The following THRB variants were observed in gnomAD, a reference collection of about 807,000 sequenced individuals.
THRB encodes the protein thyroid hormone receptor beta, also known as nuclear receptor subfamily 1 group A member 2.
In THRB, 12 loss-of-function variants were observed where a neutral mutation model predicts 47.8. That is an observed-to-expected ratio of 0.25 (90% CI 0.16 to 0.41). The LOEUF (loss-of-function observed/expected upper bound fraction) is 0.41, where lower values mean the gene tolerates loss of function less well. Among genes scored for constraint, THRB ranks in the 10% least tolerant of loss-of-function variants. THRB has a pLI of 1.00. For missense variants in THRB, 348 were observed against 589.2 expected (o/e 0.59, Z 4.24); for synonymous variants, 218 against 212.2 (o/e 1.03, Z -0.24).
intron 2 of THRB, among the ~76,000 whole-genome samples, chr3:24,323,399 G>T (rs1423097473): frequency 6.6e-6 from 1 of 152,166 alleles, no homozygotes; most frequent in East Asian, 1.9e-4. Flanking sequence ...ATCTAGCTAT[G>T]TGGAGTGCAA....
chr3:24,172,724 C>T (rs1206332730), intron 5 of THRB, among the ~76,000 whole-genome samples: 3 of 152,124 alleles, frequency 2.0e-5, no homozygotes, highest in Non-Finnish European at 2.9e-5. Flanking sequence ...GTCTCAGGGA[C>T]CAAGCTGATG....
chr3:24,354,882 GATAA>G (rs1560005424), intron 1 of THRB, among the ~76,000 whole-genome samples: 1 of 152,068 alleles, frequency 6.6e-6, no homozygotes, highest in Non-Finnish European at 1.5e-5. Context: ...CATTGATACA[GATAA>G]ATAAACACAT....
intron 3 of THRB, among the ~76,000 whole-genome samples, chr3:24,260,936 G>C (rs1234875635): frequency 6.6e-6 from 1 of 152,118 alleles, no homozygotes; most frequent in Non-Finnish European, 1.5e-5. Flanking sequence ...CAGGTTGCTG[G>C]CCCCAACCCC....
At chr3:24,418,391 C>T (rs1387081596) in intron 1 of THRB, among the ~76,000 whole-genome samples, 2 of 151,694 alleles carry the variant, frequency 1.3e-5, no homozygotes, top group Admixed American at 6.6e-5. Context: ...TGTAGACCTC[C>T]ACCCCCACTT....
At chr3:24,439,317 G>A (rs2071295237) in intron 1 of THRB, among the ~76,000 whole-genome samples, 1 of 152,118 alleles carries the variant, frequency 6.6e-6, no homozygotes, top group African/African-American at 2.4e-5. Flanking sequence ...GGGCCTGGGT[G>A]GGGCACTAAC....
At chr3:24,247,312 A>G (rs1393724917) in intron 3 of THRB, among the ~76,000 whole-genome samples, 2 of 152,234 alleles carry the variant, frequency 1.3e-5, no homozygotes, top group Non-Finnish European at 2.9e-5. Context: ...AGCAGCTAAC[A>G]TTTGTTGAGT....
chr3:24,378,068 T>C (rs9809150), intron 1 of THRB, among the ~76,000 whole-genome samples: 109,206 of 152,008 alleles, frequency 0.72, 39,765 homozygotes, highest in African/African-American at 0.83. Flanking sequence ...TAGACCAATT[T>C]TATCCTCCAG....
chr3:24,353,996 T>C (rs966838112), intron 1 of THRB, among the ~76,000 whole-genome samples: 1 of 152,176 alleles, frequency 6.6e-6, no homozygotes, highest in African/African-American at 2.4e-5. Flanking sequence ...AAAGGTTGCA[T>C]AGTATTCCAT....
intron 1 of THRB, among the ~76,000 whole-genome samples, chr3:24,357,931 T>G (rs1209953586): frequency 6.6e-6 from 1 of 152,144 alleles, no homozygotes; most frequent in Non-Finnish European, 1.5e-5. Flanking sequence ...TGCATTAGTT[T>G]CCCTTGCAGA....
At chr3:24,203,015 C>T (rs1318425297) in intron 4 of THRB, among the ~76,000 whole-genome samples, 11 of 152,184 alleles carry the variant, frequency 7.2e-5, no homozygotes, top group African/African-American at 2.7e-4. Context: ...TGGGCCATTT[C>T]GGCAGGACTA....
chr3:24,266,943 G>GAGAGAGAAAA (rs1456493349), intron 3 of THRB, among the ~76,000 whole-genome samples: 13 of 151,748 alleles, frequency 8.6e-5, no homozygotes, highest in Non-Finnish European at 1.3e-4. Flanking sequence ...GTGGAGGAGA[G>GAGAGAGAAAA]AGAGAGAAAA....
intron 2 of THRB, among the ~76,000 whole-genome samples, chr3:24,334,549 C>A (rs917349128): frequency 2.6e-5 from 4 of 152,180 alleles, no homozygotes; most frequent in Non-Finnish European, 5.9e-5. Flanking sequence ...CAGGATGGGG[C>A]CTCACTATGG....
At chr3:24,165,187 T>G in intron 5 of THRB, 1 of 765,164 alleles carries the variant, frequency 1.3e-6, no homozygotes, top group Non-Finnish European at 2.4e-6. Context: ...GCTGATTCAC[T>G]GCCCAGGCCT....
chr3:24,487,947 C>A (rs1697549992), intron 1 of THRB, among the ~76,000 whole-genome samples: 1 of 152,108 alleles, frequency 6.6e-6, no homozygotes, highest in Admixed American at 6.6e-5. Flanking sequence ...AAACAAATGG[C>A]AAAGGGAAGA....
At chr3:24,436,230 GAA>G (rs369736708) in intron 1 of THRB, among the ~76,000 whole-genome samples, 1 of 143,106 alleles carries the variant, frequency 7.0e-6, no homozygotes, top group African/African-American at 2.5e-5. Flanking sequence ...CTAAGGAAAA[GAA>G]AAAAAAAAAT....
chr3:24,249,136 C>A (rs757414021), intron 3 of THRB, among the ~76,000 whole-genome samples: 16 of 152,110 alleles, frequency 1.1e-4, no homozygotes, highest in Non-Finnish European at 1.6e-4. Flanking sequence ...CAGCAAAGAG[C>A]CAGCATGTGT....
chr3:24,385,994 A>T (rs2066072109), intron 1 of THRB, among the ~76,000 whole-genome samples: 1 of 152,108 alleles, frequency 6.6e-6, no homozygotes, highest in East Asian at 1.9e-4. Context: ...TACTTCCTTT[A>T]TCCTCTATTT....
chr3:24,273,147 C>CACA (rs2053533036), intron 3 of THRB, among the ~76,000 whole-genome samples: 1 of 152,052 alleles, frequency 6.6e-6, no homozygotes, highest in African/African-American at 2.4e-5. Flanking sequence ...CACACACACA[C>CACA]CCACACACAC....
chr3:24,393,363 C>T (rs1005668250), intron 1 of THRB, among the ~76,000 whole-genome samples: 1 of 152,250 alleles, frequency 6.6e-6, no homozygotes, highest in South Asian at 2.1e-4. Context: ...ACACACTCGT[C>T]TTGCTCAAAG....
Sources: gnomAD v4.1 joint callset for allele counts (sites outside exome capture counted in the v4.1 genomes callset) on GRCh38, gnomAD v4.1.1 for gene constraint, MANE v1.5 for transcripts, NCBI Gene and HGNC (gene_info 2026-07-23, HGNC 2026-07-21) for gene names.